The following PRKCE variants were observed in gnomAD, a reference collection of about 807,000 sequenced individuals.
PRKCE encodes the protein protein kinase C epsilon type.
PRKCE carries 16 observed loss-of-function variants against 85.4 expected under a neutral mutation model. The ratio of observed to expected loss-of-function variants is 0.19; its 90% CI spans 0.13 to 0.28. PRKCE has a LOEUF of 0.28. Ranked by LOEUF, PRKCE falls within the 10% of genes least tolerant of loss-of-function variation. The probability of loss-of-function intolerance (pLI) is 1.00; values close to 1 mark genes in which losing one functional copy is unlikely to be tolerated. For synonymous variants in PRKCE, 388 were observed against 371.5 expected, an observed-to-expected ratio of 1.04 and a Z score of -0.51; for missense variants, 573 against 975.2, an observed-to-expected ratio of 0.59 and a Z score of 5.49.
At chr2:45,836,342 A>G (rs1449624758) in intron 1 of PRKCE, among the ~76,000 whole-genome samples, 1 of 152,212 alleles carries the variant, frequency 6.6e-6, no homozygotes, top group Non-Finnish European at 1.5e-5. Context: ...ATTTGATTAC[A>G]TGTGTACTCT....
At chr2:45,757,900 A>C (rs1684142814) in intron 1 of PRKCE, among the ~76,000 whole-genome samples, 1 of 152,180 alleles carries the variant, frequency 6.6e-6, no homozygotes. Flanking sequence ...GATGCTGGCA[A>C]AAACAAAAGG....
intron 11 of PRKCE, among the ~76,000 whole-genome samples, chr2:46,117,543 C>A (rs559130013): frequency 1.3e-5 from 2 of 152,254 alleles, no homozygotes; most frequent in Non-Finnish European, 2.9e-5. Flanking sequence ...TTCTGGGGAG[C>A]CAGAAGTTCA....
At chr2:45,882,440 A>G (rs935444312) in intron 2 of PRKCE, among the ~76,000 whole-genome samples, 2 of 152,180 alleles carry the variant, frequency 1.3e-5, no homozygotes, top group Admixed American at 6.5e-5. Context: ...GCCTCATTGG[A>G]TGAGTTATTC....
At chr2:45,916,806 G>C (rs1325371182) in intron 2 of PRKCE, among the ~76,000 whole-genome samples, 3 of 152,178 alleles carry the variant, frequency 2.0e-5, no homozygotes, top group African/African-American at 7.2e-5. Context: ...TGAAGCCGTG[G>C]ACCCTCACGC....
chr2:45,765,385 G>A (rs899037010), intron 1 of PRKCE, among the ~76,000 whole-genome samples: 2 of 152,214 alleles, frequency 1.3e-5, no homozygotes, highest in Non-Finnish European at 2.9e-5. Flanking sequence ...GGTGTGAACT[G>A]TAGGTAGAGT....
chr2:46,144,777 C>T (rs1451747563), intron 11 of PRKCE, among the ~76,000 whole-genome samples: 1 of 152,166 alleles, frequency 6.6e-6, no homozygotes, highest in Non-Finnish European at 1.5e-5. Context: ...ATAGCAGGAT[C>T]TCATTAATAT....
At chr2:45,742,652 T>G (rs1290741724) in intron 1 of PRKCE, among the ~76,000 whole-genome samples, 1 of 152,058 alleles carries the variant, frequency 6.6e-6, no homozygotes, top group Non-Finnish European at 1.5e-5. Context: ...AACATGTTGG[T>G]GAGGATGTGG....
At chr2:45,821,563 A>G (rs1689534141) in intron 1 of PRKCE, among the ~76,000 whole-genome samples, 2 of 152,094 alleles carry the variant, frequency 1.3e-5, no homozygotes, top group Non-Finnish European at 2.9e-5. Flanking sequence ...AGGATTGAGG[A>G]GTCAGGATGT....
chr2:45,754,997 T>C (rs1683886091), intron 1 of PRKCE, among the ~76,000 whole-genome samples: 1 of 152,304 alleles, frequency 6.6e-6, no homozygotes, highest in Middle Eastern at 3.4e-3. Flanking sequence ...GACTACGGCG[T>C]AGATACTGCA....
chr2:46,167,753 C>G (rs1678483404), intron 14 of PRKCE: 1 of 150,876 alleles, frequency 6.6e-6, no homozygotes, highest in South Asian at 2.1e-4. Context: ...CCACCCCGCC[C>G]CCCGGTCCCC....
intron 3 of PRKCE, among the ~76,000 whole-genome samples, chr2:45,977,661 G>A (rs1433800333): frequency 6.6e-6 from 1 of 151,856 alleles, no homozygotes; most frequent in African/African-American, 2.4e-5. Context: ...AAATCTGGAA[G>A]GAGGAGAGGG....
At chr2:45,934,708 T>G (rs569971628) in intron 2 of PRKCE, among the ~76,000 whole-genome samples, 2 of 151,906 alleles carry the variant, frequency 1.3e-5, no homozygotes, top group South Asian at 4.2e-4. Flanking sequence ...CTAAAAAGAT[T>G]CCAAATTCAC....
At chr2:45,973,418 A>G (rs981919577) in intron 2 of PRKCE, among the ~76,000 whole-genome samples, 1 of 152,206 alleles carries the variant, frequency 6.6e-6, no homozygotes, top group East Asian at 1.9e-4. Context: ...CACTTGAAGC[A>G]TGAAGTTTAC....
intron 2 of PRKCE, among the ~76,000 whole-genome samples, chr2:45,920,750 G>A (rs7603715): frequency 0.055 from 8,319 of 152,220 alleles, 252 homozygotes; most frequent in African/African-American, 0.088. Context: ...AGAACAGGGG[G>A]TGGTCGCTAA....
At chr2:45,724,376 G>A (rs1278034865) in intron 1 of PRKCE, among the ~76,000 whole-genome samples, 1 of 152,138 alleles carries the variant, frequency 6.6e-6, no homozygotes, top group African/African-American at 2.4e-5. Context: ...CCATTTCCCT[G>A]TCTCTCTCCC....
intron 2 of PRKCE, among the ~76,000 whole-genome samples, chr2:45,866,373 T>A (rs1031043441): frequency 6.6e-6 from 1 of 152,328 alleles, no homozygotes; most frequent in African/African-American, 2.4e-5. Context: ...AGTGGCACGA[T>A]CTCAGCTCAC....
chr2:45,864,324 C>G (rs563150200), intron 2 of PRKCE, among the ~76,000 whole-genome samples: 1 of 152,300 alleles, frequency 6.6e-6, no homozygotes, highest in South Asian at 2.1e-4. Flanking sequence ...CAGAAGAAGG[C>G]AAGACCTCAG....
intron 2 of PRKCE, among the ~76,000 whole-genome samples, chr2:45,892,189 T>G (rs1383595211): frequency 6.6e-6 from 1 of 152,188 alleles, no homozygotes; most frequent in Non-Finnish European, 1.5e-5. Context: ...TCTGTTCCAC[T>G]CAGGTTCTGC....
intron 6 of PRKCE, among the ~76,000 whole-genome samples, chr2:45,996,164 T>A (rs1016212957): frequency 1.6e-4 from 25 of 152,162 alleles, no homozygotes; most frequent in African/African-American, 4.6e-4. Context: ...ATTTGTTCAT[T>A]GCTGGTGTAT....
Sources: allele counts gnomAD v4.1 joint callset (sites outside exome capture counted in the v4.1 genomes callset), GRCh38; gene constraint gnomAD v4.1.1; transcripts MANE v1.5; gene names NCBI Gene and HGNC (gene_info 2026-07-23, HGNC 2026-07-21).